Variants in SLCO1B3 observed in about 807,000 individuals in gnomAD.
SLCO1B3 encodes solute carrier organic anion transporter family member 1B3.
Under a neutral mutation model 71.8 loss-of-function variants are expected in SLCO1B3, and 72 were observed. The observed-to-expected ratio is 1.00, with a 90% CI of 0.83 to 1.22. SLCO1B3 has a LOEUF of 1.22. Among genes scored for constraint, SLCO1B3 ranks in the 50% most tolerant of loss-of-function variants. The pLI is 0.00. For synonymous variants in SLCO1B3, 298 were observed against 278.4 expected (o/e 1.07, Z -0.70); for missense variants, 911 against 819.7 (o/e 1.11, Z -1.36).
chr12:20,898,728 A>G (rs1379810576), intron 14 of SLCO1B3, among the ~76,000 whole-genome samples: 1 of 152,222 alleles, frequency 6.6e-6, no homozygotes, highest in African/African-American at 2.4e-5. Context: ...GCAAGGAATC[A>G]TCATATTTAT....
At position 20,882,491 on chromosome 12, in the gene SLCO1B3, C is replaced by T. The variant is rs185455491; in HGVS notation, c.1498-927C>T. Among the ~76,000 whole-genome samples the T allele has an allele frequency of 7.2e-5, 11 of 152,230 alleles. No homozygotes were observed. In the East Asian group the frequency reaches 1.5e-3, roughly 21 times the overall value. On this transcript the variant is annotated intron_variant, in intron 12 of 15. Transcript: ENST00000381545. Reference sequence around the variant, plus strand: ...TGGTCTCGGCTCACTGCAGCCTCCACCTCCTGGGTTCAAGCAATTCTCCTG... The same window carrying T: ...TGGTCTCGGCTCACTGCAGCCTCCATCTCCTGGGTTCAAGCAATTCTCCTG...
At chr12:20,877,282 C>T (rs1467653822) in intron 9 of SLCO1B3, among the ~76,000 whole-genome samples, 3 of 151,704 alleles carry the variant, frequency 2.0e-5, no homozygotes, top group East Asian at 3.9e-4. Context: ...AATAGTAAAG[C>T]GAATTTTAAT....
intron 8 of SLCO1B3, among the ~76,000 whole-genome samples, chr12:20,872,852 T>C (rs921669107): frequency 6.6e-6 from 1 of 152,192 alleles, no homozygotes; most frequent in Non-Finnish European, 1.5e-5. Flanking sequence ...CAACTCTTCA[T>C]GGACTGGCCT....
chr12:20,861,984 C>G (rs1865275788), intron 6 of SLCO1B3, among the ~76,000 whole-genome samples: 1 of 151,862 alleles, frequency 6.6e-6, no homozygotes, highest in African/African-American at 2.4e-5. Context: ...GATTGTTTAA[C>G]CAAATTAGGA....
intron 3 of SLCO1B3, 121 bp from the exon 4 acceptor site, chr12:20,854,907 G>A: frequency 1.1e-6 from 1 of 876,892 alleles, no homozygotes; most frequent in South Asian, 1.6e-5. Context: ...GGGAAAAATG[G>A]GTATTTTTTT....
At chr12:20,825,639 A>G (rs892424466) in intron 3 of SLCO1B3, among the ~76,000 whole-genome samples, 1 of 151,986 alleles carries the variant, frequency 6.6e-6, no homozygotes, top group Non-Finnish European at 1.5e-5. Flanking sequence ...CTATTAATAA[A>G]TATACAAAAA....
intron 13 of SLCO1B3, among the ~76,000 whole-genome samples, chr12:20,886,549 A>G (rs1402222065): frequency 6.6e-6 from 1 of 152,088 alleles, no homozygotes; most frequent in Non-Finnish European, 1.5e-5. Flanking sequence ...TGAAGAATAT[A>G]TGAAGAAGCA....
chr12:20,866,201 G>T (rs1865370901), intron 8 of SLCO1B3, among the ~76,000 whole-genome samples: 1 of 152,016 alleles, frequency 6.6e-6, no homozygotes, highest in Admixed American at 6.6e-5. Context: ...AGAAAAAGTT[G>T]AATTGTTTAA....
intron 3 of SLCO1B3, among the ~76,000 whole-genome samples, chr12:20,822,297 G>C (rs1407615141): frequency 6.6e-6 from 1 of 152,136 alleles, no homozygotes. Flanking sequence ...TCAGTGAAGG[G>C]AGATAAGGGT....
chr12:20,851,395 A>G (rs1439312523), intron 3 of SLCO1B3, among the ~76,000 whole-genome samples: 2 of 152,058 alleles, frequency 1.3e-5, no homozygotes, highest in African/African-American at 2.4e-5. Flanking sequence ...GGTAGTTTTG[A>G]TTTGCATTTC....
At chr12:20,882,178 A>T (rs917319616) in intron 12 of SLCO1B3, among the ~76,000 whole-genome samples, 2 of 152,274 alleles carry the variant, frequency 1.3e-5, no homozygotes, top group Non-Finnish European at 2.9e-5. Flanking sequence ...CTCTGTCTTC[A>T]TGGAGACATC....
intron 3 of SLCO1B3, among the ~76,000 whole-genome samples, chr12:20,827,794 T>G (rs112202348): frequency 0.12 from 18,751 of 152,184 alleles, 1,255 homozygotes; most frequent in Middle Eastern, 0.18. Context: ...GCTCTCGAAC[T>G]CCTGACCTCA....
At chr12:20,819,142 T>C (rs1206263640) in intron 3 of SLCO1B3, among the ~76,000 whole-genome samples, 1 of 152,152 alleles carries the variant, frequency 6.6e-6, no homozygotes, top group Non-Finnish European at 1.5e-5. Context: ...GGTCAAGTTG[T>C]TTGGACAGAA....
intron 3 of SLCO1B3, among the ~76,000 whole-genome samples, chr12:20,842,067 T>C (rs1466213066): frequency 6.6e-6 from 1 of 152,048 alleles, no homozygotes; most frequent in Non-Finnish European, 1.5e-5. Flanking sequence ...GGCTAATTTT[T>C]GTATTTTTAG....
At chr12:20,832,353 C>T (rs7310629) in intron 3 of SLCO1B3, among the ~76,000 whole-genome samples, 15,931 of 152,018 alleles carry the variant, frequency 0.1, 1,081 homozygotes, top group Middle Eastern at 0.17. Flanking sequence ...GATTATTTTC[C>T]CTCAGTTTTT....
At chr12:20,811,401 C>T (rs1378159610) in intron 1 of SLCO1B3, among the ~76,000 whole-genome samples, 1 of 152,134 alleles carries the variant, frequency 6.6e-6, no homozygotes, top group African/African-American at 2.4e-5. Context: ...AAGGTGGCTT[C>T]CCTGATAAGA....
chr12:20,838,605 T>C (rs186410693), intron 3 of SLCO1B3, among the ~76,000 whole-genome samples: 104 of 152,226 alleles, frequency 6.8e-4, no homozygotes, highest in Admixed American at 6.6e-3. Context: ...CTATATGTTA[T>C]AGCCTATTGC....
intron 3 of SLCO1B3, among the ~76,000 whole-genome samples, chr12:20,837,202 T>A (rs151029426): frequency 6.6e-6 from 1 of 152,246 alleles, no homozygotes; most frequent in South Asian, 2.1e-4. Flanking sequence ...TCACTCTCTT[T>A]TTTTTTCCCT....
chr12:20,909,526 A>T (rs1866330920), intron 15 of SLCO1B3, among the ~76,000 whole-genome samples: 1 of 151,638 alleles, frequency 6.6e-6, no homozygotes, highest in African/African-American at 2.4e-5. Context: ...TTGTGGGGAG[A>T]TATATGTTAA....
Sources: allele counts gnomAD v4.1 joint callset (sites outside exome capture counted in the v4.1 genomes callset), GRCh38; gene constraint gnomAD v4.1.1; transcripts MANE v1.5; gene names NCBI Gene and HGNC (gene_info 2026-07-23, HGNC 2026-07-21).